MPDZ: variants seen among roughly 807,000 people sequenced by gnomAD.
MPDZ encodes multiple PDZ domain crumbs cell polarity complex component.
Under a neutral mutation model 239.1 loss-of-function variants are expected in MPDZ, and 234 were observed. The ratio of observed to expected loss-of-function variants is 0.98; its 90% CI spans 0.88 to 1.09. The LOEUF (loss-of-function observed/expected upper bound fraction) is 1.09. Ranked by LOEUF, MPDZ falls within the 50% of genes least tolerant of loss-of-function variation. MPDZ has a pLI of 0.00. For missense variants in MPDZ, 3,175 were observed against 2,510.0 expected (o/e 1.26, Z -5.66); for synonymous variants, 1,048 against 881.3 (o/e 1.19, Z -3.35).
rs1351342832 is a variant in MPDZ, at chr9:13,108,991, C to T, written c.6011G>A (p.Gly2004Glu). The part of the protein sequence containing the change: ...PDGLGFSIVG[G>E]YGSPHGDLPI... The stretch of plus-strand genomic sequence containing the variant: ...TAAGTCTCCATGAGGGCTGCCATAT[C>T]CTCCAACTATACTGAAGCCTAAGCC... The change falls in exon 46 of 47, where the codon GGA (glycine) becomes GAA (glutamate). Residue 2004 changes from glycine to glutamate, a missense_variant. Gly to Glu is a moderately conservative substitution (Grantham distance 98). Coordinates refer to ENST00000319217, the MANE Select transcript of MPDZ (RefSeq NM_001378778.1). 6.2e-7 allele frequency: 1 copy of T among 1,605,810 alleles called. No homozygotes were observed. The highest frequency in any genetic ancestry group is 2.2e-5 in the East Asian group (1 of 44,602).
In MPDZ at chr9:13,112,055, G is replaced by C. The variant is rs756775869; in HGVS notation, c.5693C>G (p.Thr1898Ser). The C allele has an allele frequency of 1.2e-6, 2 of 1,613,740 alleles. No individual in the cohort carries two copies. Among genetic ancestry groups the C allele is most frequent in the South Asian group, 2.2e-5 (2 of 91,078 alleles). The part of the protein sequence containing the change: ...VPIFIAMMHP[T>S]GVAAQTQKLR... The stretch of plus-strand genomic sequence containing the variant: ...TTTTTGGGTCTGTGCTGCAACTCCA[G>C]TTGGGTGCATCATTGCAATAAATAT... Residue 1898 changes from threonine (T) to serine (S), a missense_variant, in exon 43 of 47, where the codon ACT (threonine) becomes AGT (serine). Physicochemically the swap from Thr to Ser is moderately conservative, Grantham distance 58. Coordinates refer to ENST00000319217, the MANE Select transcript of MPDZ (RefSeq NM_001378778.1).
chr9:13,234,651 T>C (rs970017706), intron 3 of MPDZ, among the ~76,000 whole-genome samples: 2 of 152,182 alleles, frequency 1.3e-5, no homozygotes, highest in African/African-American at 4.8e-5. Context: ...AAATGACTAC[T>C]GCTTTTGCAA....
chr9:13,174,014 C>A lies in MPDZ; in HGVS notation c.3055+1738G>T, dbSNP rs147581344. ...GCCAGTCATCATACCACACTTCATC[C>A]ATAACAAACCAGTTTCAGTAATATT... On this transcript the variant is annotated intron_variant, in intron 21 of 46. Coordinates refer to ENST00000319217, the MANE Select transcript of MPDZ (RefSeq NM_001378778.1). Among the ~76,000 whole-genome samples, 1,119 of 152,266 alleles carry A rather than the reference C, an allele frequency of 7.3e-3. 14 individuals are homozygous for A. The highest frequency in any genetic ancestry group is 0.026 in the African/African-American group (1,073 of 41,560).
At chr9:13,125,137 G>A (rs1283880047) in intron 35 of MPDZ, 79 bp downstream of exon 35, 11 of 1,343,688 alleles carry the variant, frequency 8.2e-6, no homozygotes, top group Non-Finnish European at 1.1e-5. Context: ...CAGGTAGGCA[G>A]CTGGCTCCCA....
intron 5 of MPDZ, among the ~76,000 whole-genome samples, chr9:13,223,090 T>C (rs1250181093): frequency 1.3e-5 from 2 of 152,082 alleles, no homozygotes; most frequent in African/African-American, 2.4e-5. Context: ...TGGGAGAATG[T>C]GCACAGGCTA....
chr9:13,238,239 G>T (rs1229496968), intron 3 of MPDZ, among the ~76,000 whole-genome samples: 1 of 152,152 alleles, frequency 6.6e-6, no homozygotes, highest in East Asian at 1.9e-4. Flanking sequence ...GTTCAAAATG[G>T]TGGCTACATC....
At chr9:13,193,107 C>T in intron 14 of MPDZ, 60 bp downstream of exon 14, 2 of 1,376,764 alleles carry the variant, frequency 1.5e-6, no homozygotes, top group East Asian at 2.4e-5. Context: ...CCACATTAAG[C>T]CTCCTGCAAG....
At chr9:13,192,416 G>T in intron 14 of MPDZ, 121 bp from the exon 15 acceptor site, 1 of 803,532 alleles carries the variant, frequency 1.2e-6, no homozygotes, top group Non-Finnish European at 1.9e-6. Context: ...ACTGTGCTCA[G>T]AACTATAGTG....
chr9:13,157,640 C>T (rs901938438), intron 24 of MPDZ, among the ~76,000 whole-genome samples: 2 of 152,074 alleles, frequency 1.3e-5, no homozygotes, highest in African/African-American at 4.8e-5. Flanking sequence ...CAAACACACA[C>T]ACACACACAC....
chr9:13,275,802 T>C (rs1040672531), intron 1 of MPDZ, among the ~76,000 whole-genome samples: 1 of 152,172 alleles, frequency 6.6e-6, no homozygotes, highest in African/African-American at 2.4e-5. Context: ...GCACAAATCC[T>C]CTATTCCACT....
At chr9:13,241,081 C>T (rs998008846) in intron 3 of MPDZ, among the ~76,000 whole-genome samples, 1 of 152,070 alleles carries the variant, frequency 6.6e-6, no homozygotes, top group Admixed American at 6.6e-5. Flanking sequence ...ATTTTAGTCC[C>T]TTCAATGGCT....
chr9:13,264,822 G>A (rs931154721), intron 1 of MPDZ, among the ~76,000 whole-genome samples: 11 of 152,132 alleles, frequency 7.2e-5, no homozygotes, highest in African/African-American at 2.7e-4. Context: ...ACCAAACATG[G>A]TGACTGAGGG....
chr9:13,129,255 G>C (rs1420602776), intron 32 of MPDZ, among the ~76,000 whole-genome samples: 1 of 152,076 alleles, frequency 6.6e-6, no homozygotes, highest in Non-Finnish European at 1.5e-5. Flanking sequence ...CTGAGGTCAG[G>C]AGTTCAAGAC....
intron 8 of MPDZ, 98 bp from the exon 9 acceptor site, chr9:13,217,392 C>A (rs564894972): frequency 4.9e-5 from 37 of 750,282 alleles, no homozygotes; most frequent in African/African-American, 4.9e-4. Context: ...TAAAATAAAG[C>A]CACAGGCCTA....
chr9:13,147,636 T>A lies in MPDZ; in HGVS notation c.3653A>T (p.Asp1218Val). 3 of 1,612,168 alleles carry A rather than the reference T, an allele frequency of 1.9e-6. No homozygotes were observed. The highest frequency in any genetic ancestry group is 2.5e-6 in the Non-Finnish European group (3 of 1,178,692). The change falls in exon 26 of 47, where the codon GAT becomes GTT. Residue 1218 changes from aspartate (D) to valine (V), a missense_variant. Physicochemically the swap from Asp to Val is radical, Grantham distance 152 (BLOSUM62 -3). Coordinates refer to ENST00000319217, the MANE Select transcript of MPDZ (RefSeq NM_001378778.1). The part of the protein sequence containing the change: ...IVEVDGMDLR[D>V]ASHEQAVEAI... ...TTCCACAGCTTGTTCATGGCTTGCA[T>A]CTCTGAGGTCCATTCCATCCACCTG...
At chr9:13,267,586 G>T (rs1295201084) in intron 1 of MPDZ, among the ~76,000 whole-genome samples, 1 of 152,144 alleles carries the variant, frequency 6.6e-6, no homozygotes, top group African/African-American at 2.4e-5. Flanking sequence ...AAATGAATTT[G>T]AAAATTGCAA....
chr9:13,108,857 A>G, intron 46 of MPDZ, 79 bp downstream of exon 46: 1 of 1,467,884 alleles, frequency 6.8e-7, no homozygotes. Context: ...ACCTCAGGCC[A>G]TAAACTAATA....
rs574923087 is a variant in MPDZ at position 13,123,448 on chromosome 9, T to G, written c.4808-150A>C. Reference sequence around the variant, plus strand: ...AGACTTTGTATTTACCTCAATCTTTTAATTATCTTATATTTAAAAATAAAA... The same window carrying G: ...AGACTTTGTATTTACCTCAATCTTTGAATTATCTTATATTTAAAAATAAAA... On this transcript the variant is annotated intron_variant, in intron 35 of 46. Transcript: ENST00000319217. The G allele has an allele frequency of 1.3e-4, 81 of 605,272 alleles. No individual in the cohort carries two copies. The East Asian group carries it at 2.2e-3, about 16-fold the overall frequency. The allele number at this position is 605,272 out of a possible 1,614,324, so 37.5% of individuals were successfully genotyped here.
At chr9:13,114,708 T>C (rs1266981816) in intron 40 of MPDZ, among the ~76,000 whole-genome samples, 1 of 152,076 alleles carries the variant, frequency 6.6e-6, no homozygotes. Context: ...GAGACCAGCC[T>C]GGCTGACATG....
Sources: allele counts gnomAD v4.1 joint callset (sites outside exome capture counted in the v4.1 genomes callset), GRCh38; gene constraint gnomAD v4.1.1; transcripts MANE v1.5; gene names NCBI Gene and HGNC (gene_info 2026-07-23, HGNC 2026-07-21).